Variants in AFF3 observed in about 807,000 individuals in gnomAD.
AFF3 encodes ALF transcription elongation factor 3, also known as AF4/FMR2 family member 3.
AFF3 carries 32 observed loss-of-function variants against 129.7 expected under a neutral mutation model. The ratio of observed to expected loss-of-function variants is 0.25; its 90% CI spans 0.19 to 0.33. The LOEUF (loss-of-function observed/expected upper bound fraction) is 0.33. Ranked by LOEUF, AFF3 falls within the 10% of genes least tolerant of loss-of-function variation. The pLI is 1.00. For synonymous variants in AFF3, 644 were observed against 635.4 expected (o/e 1.01, Z -0.20); for missense variants, 1,373 against 1,592.0 (o/e 0.86, Z 2.34).
chr2:100,119,116 G>A (rs1573459313), intron 2 of AFF3, among the ~76,000 whole-genome samples: 1 of 152,172 alleles, frequency 6.6e-6, no homozygotes, highest in African/African-American at 2.4e-5. Flanking sequence ...TTCTGGATTT[G>A]TATACACATA....
At chr2:100,050,115 G>A (rs905906031) in intron 4 of AFF3, among the ~76,000 whole-genome samples, 9 of 151,694 alleles carry the variant, frequency 5.9e-5, no homozygotes, top group African/African-American at 2.2e-4. Flanking sequence ...AGGAGGCTGA[G>A]ACAAGAGAAT....
intron 7 of AFF3, among the ~76,000 whole-genome samples, chr2:99,976,960 G>A (rs1383502483): frequency 6.6e-6 from 1 of 152,078 alleles, no homozygotes; most frequent in Non-Finnish European, 1.5e-5. Context: ...TACATGAAGG[G>A]TACTCAGAGA....
intron 7 of AFF3, among the ~76,000 whole-genome samples, chr2:99,997,360 C>A (rs530826140): frequency 2.7e-4 from 41 of 152,212 alleles, no homozygotes; most frequent in African/African-American, 8.7e-4. Context: ...AATATCTGTC[C>A]TCAGTTCCTC....
chr2:99,744,841 G>A (rs367668362), intron 9 of AFF3, among the ~76,000 whole-genome samples: 4 of 152,198 alleles, frequency 2.6e-5, no homozygotes, highest in Non-Finnish European at 4.4e-5. Flanking sequence ...ATACTGCCAC[G>A]AATATGCAGG....
At chr2:99,734,401 G>A (rs1029003290) in intron 10 of AFF3, among the ~76,000 whole-genome samples, 4 of 151,820 alleles carry the variant, frequency 2.6e-5, no homozygotes. Context: ...GACCAAGGAT[G>A]TCCATCCAGT....
intron 7 of AFF3, among the ~76,000 whole-genome samples, chr2:99,890,068 G>A (rs921563448): frequency 3.9e-5 from 6 of 152,208 alleles, no homozygotes; most frequent in African/African-American, 1.4e-4. Flanking sequence ...AGGGCTCTCT[G>A]TTTGGTCTTT....
chr2:99,718,997 C>T (rs987555257), intron 11 of AFF3, among the ~76,000 whole-genome samples: 5 of 151,006 alleles, frequency 3.3e-5, no homozygotes, highest in Admixed American at 6.6e-5. Context: ...ATGATCCACC[C>T]GCCTTGGCCT....
At chr2:99,892,855 A>C (rs947234505) in intron 7 of AFF3, among the ~76,000 whole-genome samples, 5 of 152,128 alleles carry the variant, frequency 3.3e-5, no homozygotes, top group Non-Finnish European at 7.4e-5. Context: ...GAATCTTGGG[A>C]GATCAATATA....
intron 8 of AFF3, among the ~76,000 whole-genome samples, chr2:99,831,778 CCA>C (rs1034466245): frequency 1.3e-5 from 2 of 152,062 alleles, no homozygotes; most frequent in Admixed American, 1.3e-4. Context: ...GTCCAATGGC[CCA>C]CACACATACG....
rs146185960 is a variant in AFF3, at chr2:100,125,349, TA to T, written c.-145+3874del. Among the ~76,000 whole-genome samples, 609 of 151,128 alleles carry T rather than the reference TA, an allele frequency of 4.0e-3. 8 individuals carry two copies. Among genetic ancestry groups the T allele is most frequent in the African/African-American group, 0.013 (516 of 41,198 alleles). ...TAAATATCATCTATTATTGACAGATTAAAAAAAAATAGAGGTATAAGCATGT... is the reference window on the plus strand; with the variant it reads ...TAAATATCATCTATTATTGACAGATTAAAAAAAATAGAGGTATAAGCATGT... On this transcript the variant is annotated intron_variant, in intron 2 of 24. Coordinates refer to ENST00000672756, the MANE Select transcript of AFF3 (RefSeq NM_001386135.1).
chr2:99,957,136 T>C (rs950814332), intron 7 of AFF3, among the ~76,000 whole-genome samples: 2 of 149,914 alleles, frequency 1.3e-5, no homozygotes, highest in Admixed American at 1.3e-4. Flanking sequence ...ACAGGCTGTG[T>C]GTGGACATAC....
chr2:99,596,570 G>GCA (rs149925996), intron 14 of AFF3, among the ~76,000 whole-genome samples: 5,578 of 151,846 alleles, frequency 0.037, 125 homozygotes, highest in East Asian at 0.049. Flanking sequence ...TTGGAAGAGG[G>GCA]CACACACACA....
intron 7 of AFF3, among the ~76,000 whole-genome samples, chr2:99,962,977 C>T (rs990149474): frequency 2.0e-5 from 3 of 150,912 alleles, no homozygotes; most frequent in African/African-American, 7.3e-5. Flanking sequence ...CAAGCAAATC[C>T]ACAACAACAC....
At position 99,593,687 on chromosome 2, in the gene AFF3, G is replaced by A. The variant is rs1331785768; in HGVS notation, c.1974C>T (p.Ile658=). Residue 658 remains isoleucine, a synonymous_variant, in exon 15 of 25, where the codon ATC becomes ATT. Transcript: ENST00000672756. ...CAATGAACTCCTTGGATTTGGGGACGATCCTGCTTAGCCCCCGCGTGCGGC... is the reference window on the plus strand; with the variant it reads ...CAATGAACTCCTTGGATTTGGGGACAATCCTGCTTAGCCCCCGCGTGCGGC... The part of the protein sequence containing the change: ...EKRRTRGLSR[I]VPKSKEFIET... 3.7e-6 allele frequency: 6 copies of A among 1,604,704 alleles called. No homozygotes were observed. In the East Asian group the frequency reaches 6.7e-5, roughly 18 times the overall value.
At chr2:99,879,602 A>C (rs1692548401) in intron 7 of AFF3, among the ~76,000 whole-genome samples, 1 of 152,224 alleles carries the variant, frequency 6.6e-6, no homozygotes, top group Non-Finnish European at 1.5e-5. Context: ...GTTTGCTCCA[A>C]GTCAACAGGG....
intron 7 of AFF3, among the ~76,000 whole-genome samples, chr2:99,998,328 G>C (rs544721692): frequency 1.3e-5 from 2 of 152,290 alleles, no homozygotes; most frequent in South Asian, 4.1e-4. Context: ...GGGCACCCCA[G>C]GAGGGCACCA....
At chr2:99,576,097 G>A (rs1676962517) in intron 18 of AFF3, among the ~76,000 whole-genome samples, 1 of 151,378 alleles carries the variant, frequency 6.6e-6, no homozygotes, top group African/African-American at 2.4e-5. Flanking sequence ...GTGGTAGCAC[G>A]ATCTCAGCTT....
At chr2:100,048,233 TA>T (rs1407065569) in intron 4 of AFF3, among the ~76,000 whole-genome samples, 8 of 152,238 alleles carry the variant, frequency 5.3e-5, no homozygotes, top group Non-Finnish European at 1.0e-4. Flanking sequence ...GTACTGCACT[TA>T]CTCATCTCTG....
intron 7 of AFF3, among the ~76,000 whole-genome samples, chr2:99,910,827 T>G (rs1460123111): frequency 6.6e-6 from 1 of 152,284 alleles, no homozygotes. Context: ...TTTGGAAGGC[T>G]AAGATATATG....
Sources: allele counts gnomAD v4.1 joint callset (sites outside exome capture counted in the v4.1 genomes callset), GRCh38; gene constraint gnomAD v4.1.1; transcripts MANE v1.5; gene names NCBI Gene and HGNC (gene_info 2026-07-23, HGNC 2026-07-21).